CEP250: variants seen among roughly 807,000 people sequenced by gnomAD.
The protein encoded by CEP250 is centrosome-associated protein CEP250.
In CEP250, 242 loss-of-function variants were observed where a neutral mutation model predicts 315.7. That is an observed-to-expected ratio of 0.77 (90% CI 0.69 to 0.85). The LOEUF is 0.85. CEP250 is among the 40% of genes least tolerant of loss of function. CEP250 has a pLI of 0.00. For missense variants in CEP250, 2,515 were observed against 2,886.4 expected (o/e 0.87, Z 2.95); for synonymous variants, 1,088 against 1,175.0 (o/e 0.93, Z 1.51).
intron 3 of CEP250, among the ~76,000 whole-genome samples, chr20:35,461,650 T>C (rs2062759019): frequency 1.3e-5 from 2 of 152,248 alleles, no homozygotes; most frequent in Non-Finnish European, 2.9e-5. Flanking sequence ...CTGTGTGGCC[T>C]GGCACAAGTT....
At chr20:35,470,885 T>C in intron 10 of CEP250, among the ~76,000 whole-genome samples, 1 of 152,200 alleles carries the variant, frequency 6.6e-6, no homozygotes, top group East Asian at 1.9e-4. Flanking sequence ...GCCTGTCTTG[T>C]GAAGGAGTAA....
intron 16 of CEP250, among the ~76,000 whole-genome samples, chr20:35,477,654 T>C (rs923965210): frequency 2.0e-5 from 3 of 152,240 alleles, no homozygotes; most frequent in African/African-American, 7.2e-5. Context: ...AGCAGGACTT[T>C]GCCTTGCATA....
intron 14 of CEP250, 40 bp downstream of exon 14, chr20:35,474,092 T>C: frequency 6.9e-7 from 1 of 1,449,390 alleles, no homozygotes; most frequent in Non-Finnish European, 9.1e-7. Flanking sequence ...GCCCTGGTCT[T>C]TCTTCAATTC....
At chr20:35,456,736 C>A (rs2062636508) in intron 1 of CEP250, among the ~76,000 whole-genome samples, 1 of 151,388 alleles carries the variant, frequency 6.6e-6, no homozygotes, top group Non-Finnish European at 1.5e-5. Flanking sequence ...GATTGGGGTT[C>A]AGTCATTGCT....
Position 35,512,850 on chromosome 20 carries a change from A to G in CEP250, c.*1224A>G, listed in dbSNP as rs1378035949. On this transcript the variant is annotated 3_prime_UTR_variant, in exon 35 of 35. Transcript: ENST00000397527. The stretch of plus-strand genomic sequence containing the variant: ...GCTGGGATTACCGGTGTGAGCCACC[A>G]TGCCCAACCAGAACAGTTTTCCTTA... 1 of 152,224 alleles carries G rather than the reference A, an allele frequency of 6.6e-6. No homozygotes were observed. The highest frequency in any genetic ancestry group is 2.4e-5 in the African/African-American group (1 of 41,436). The allele number at this position is 152,224 out of a possible 1,614,324, so 9.4% of individuals were successfully genotyped here.
rs1486346483 is a variant in CEP250, at chr20:35,504,085, C to T, written c.5716C>T (p.Leu1906Phe). 1.9e-6 allele frequency: 3 copies of T among 1,608,600 alleles called. No individual in the cohort carries two copies. Among genetic ancestry groups the T allele is most frequent in the Admixed American group, 3.4e-5 (2 of 59,416 alleles). The change falls in exon 30 of 35, where the codon CTC (leucine) becomes TTC (phenylalanine). Residue 1906 changes from leucine to phenylalanine, a missense_variant. Leu to Phe is a conservative substitution (Grantham distance 22). Coordinates refer to ENST00000397527, the MANE Select transcript of CEP250 (RefSeq NM_007186.6). ...GGAACAGGAGAAAGCTCTGTTGGCC[C>T]TCCAGCAGCAGTGTGCTGAGCAGGC... ...SREQEKALLALQQQCAEQAQE... is the reference protein window; with the variant it reads ...SREQEKALLAFQQQCAEQAQE...
Position 35,467,558 on chromosome 20 carries a change from G to A in CEP250, c.851+3G>A, listed in dbSNP as rs780642412. ...GAGAAGGCTGAACTTCAGGACCGGT[G>A]AGATGGCCTGGGGTCCCAAGAAGGG... is the stretch of plus-strand genomic sequence containing the variant. On this transcript the variant is annotated splice_donor_region_variant and intron_variant, in intron 9 of 34. Coordinates refer to ENST00000397527, the MANE Select transcript of CEP250 (RefSeq NM_007186.6). The A allele has an allele frequency of 5.6e-6, 9 of 1,612,780 alleles. No individual in the cohort carries two copies. The highest frequency in any genetic ancestry group is 1.1e-5 in the South Asian group (1 of 91,012).
chr20:35,496,204 G>A (rs747916811), intron 24 of CEP250, among the ~76,000 whole-genome samples: 7 of 152,114 alleles, frequency 4.6e-5, no homozygotes, highest in Non-Finnish European at 8.8e-5. Flanking sequence ...AGGCATGGTG[G>A]CGCATGCCTG....
chr20:35,509,160 C>G (rs1243182191), intron 33 of CEP250, 116 bp downstream of exon 33: 1 of 781,584 alleles, frequency 1.3e-6, no homozygotes, highest in Non-Finnish European at 2.1e-6. Context: ...CAGAGAGCCC[C>G]TCCTGACTGC....
chr20:35,477,164 C>A (rs996135403), intron 16 of CEP250, among the ~76,000 whole-genome samples: 1 of 152,174 alleles, frequency 6.6e-6, no homozygotes, highest in Non-Finnish European at 1.5e-5. Flanking sequence ...GCATGCACCA[C>A]CATGCCTGGC....
intron 15 of CEP250, 27 bp from the exon 16 acceptor site, chr20:35,476,420 GAA>G (rs1568779190): frequency 6.3e-7 from 1 of 1,597,710 alleles, no homozygotes; most frequent in Non-Finnish European, 8.6e-7. Flanking sequence ...TTGGAAATAT[GAA>G]ACTCTTTAAT....
In CEP250 at chr20:35,504,888, C is replaced by A. The variant is rs1316362622; in HGVS notation, c.6519C>A (p.Ala2173=). The A allele has an allele frequency of 1.2e-6, 2 of 1,614,062 alleles. No individual in the cohort carries two copies. The highest frequency in any genetic ancestry group is 1.7e-6 in the Non-Finnish European group (2 of 1,180,038). ...EAREIEWREK[A]QDLALSLAQT... The stretch of plus-strand genomic sequence containing the variant: ...GGGAGATTGAGTGGAGGGAGAAGGC[C>A]CAGGACTTGGCACTCTCCCTAGCGC... Residue 2173 remains alanine, a synonymous_variant, in exon 30 of 35, where the codon GCC becomes GCA. Coordinates refer to ENST00000397527, the MANE Select transcript of CEP250 (RefSeq NM_007186.6).
rs147554271 is a variant in CEP250, at chr20:35,466,096, C to T, written c.384C>T (p.Asp128=). 1.1e-3 allele frequency: 1,805 copies of T among 1,614,040 alleles called. 4 individuals carry two copies. Among genetic ancestry groups the T allele is most frequent in the Middle Eastern group, 1.5e-3 (9 of 6,062 alleles). Reference sequence around the variant, plus strand: ...TTCGACTGCACATGGAAAAAGCTGACGTGGTGAATAAAGCCCTTAGGGAAG... The same window carrying T: ...TTCGACTGCACATGGAAAAAGCTGATGTGGTGAATAAAGCCCTTAGGGAAG... The part of the protein sequence containing the change: ...TQLRLHMEKA[D]VVNKALREDV... The change falls in exon 7 of 35, where the codon GAC becomes GAT. Residue 128 remains aspartate, a synonymous_variant. Transcript: ENST00000397527.
chr20:35,507,802 G>C lies in CEP250; in HGVS notation c.6701G>C (p.Ser2234Thr). ...CGGCTACACAGCCCAGGTGCAACCA[G>C]CACAGCAGAACTGGGGTCCAGAGGG... ...KERLHSPGAT[S>T]TAELGSRGEQ... The change falls in exon 31 of 35, where the codon AGC (serine) becomes ACC (threonine). Residue 2234 changes from serine to threonine, a missense_variant. Transcript: ENST00000397527. 1 of 1,574,720 alleles carries C rather than the reference G, an allele frequency of 6.4e-7. No homozygotes were observed. The highest frequency in any genetic ancestry group is 8.6e-7 in the Non-Finnish European group (1 of 1,160,120).
At chr20:35,499,353 T>C (rs2063936660) in intron 27 of CEP250, among the ~76,000 whole-genome samples, 1 of 152,192 alleles carries the variant, frequency 6.6e-6, no homozygotes, top group South Asian at 2.1e-4. Context: ...AATTAATTCT[T>C]GGTACCCAGG....
chr20:35,461,354 A>T (rs2078420), intron 3 of CEP250, among the ~76,000 whole-genome samples: 11 of 152,032 alleles, frequency 7.2e-5, no homozygotes, highest in Non-Finnish European at 1.3e-4. Flanking sequence ...ATCTGAGGTC[A>T]CAGAGCCCAT....
At chr20:35,470,508 G>A (rs2062998000) in intron 10 of CEP250, among the ~76,000 whole-genome samples, 1 of 152,198 alleles carries the variant, frequency 6.6e-6, no homozygotes, top group Non-Finnish European at 1.5e-5. Context: ...CCAGCACTAT[G>A]GGAAGCTGAG....
Position 35,473,983 on chromosome 20 carries a change from A to G in CEP250, c.1502A>G (p.Asp501Gly). The G allele has an allele frequency of 1.2e-6, 2 of 1,606,614 alleles. No individual in the cohort carries two copies. The highest frequency in any genetic ancestry group is 1.1e-5 in the South Asian group (1 of 90,122). The change falls in exon 14 of 35, where the codon GAC becomes GGC. Residue 501 changes from aspartate to glycine, a missense_variant. By Grantham distance (94) the Asp-to-Gly change is moderately conservative (BLOSUM62 -1). Transcript: ENST00000397527. Reference sequence around the variant, plus strand: ...AATGTGGAGCTTCAGCTGCAGGGGGACTCTGCCCAGGGCCAGAAGGAGGAA... The same window carrying G: ...AATGTGGAGCTTCAGCTGCAGGGGGGCTCTGCCCAGGGCCAGAAGGAGGAA... ...RVNVELQLQG[D>G]SAQGQKEEQQ...
rs1568829123 is a variant in CEP250 at position 35,501,962 on chromosome 20, C to A, written c.4016C>A (p.Ala1339Asp). 1 of 1,611,786 alleles carries A rather than the reference C, an allele frequency of 6.2e-7. No individual in the cohort carries two copies. Among genetic ancestry groups the A allele is most frequent in the Non-Finnish European group, 8.5e-7 (1 of 1,179,844 alleles). The change falls in exon 29 of 35, where the codon GCC becomes GAC. Residue 1339 changes from alanine to aspartate, a missense_variant. Ala to Asp is a moderately radical substitution (Grantham distance 126, BLOSUM62 -2). Coordinates refer to ENST00000397527, the MANE Select transcript of CEP250 (RefSeq NM_007186.6). ...AGAGCAGAGCTACAGCGAATGGAAGCCCAGGTAAAGTGGTACTGGTTTCAG... is the reference window on the plus strand; with the variant it reads ...AGAGCAGAGCTACAGCGAATGGAAGACCAGGTAAAGTGGTACTGGTTTCAG... ...LRRAELQRME[A>D]QGERELLQAA...
Sources: allele counts gnomAD v4.1 joint callset (sites outside exome capture counted in the v4.1 genomes callset), GRCh38; gene constraint gnomAD v4.1.1; transcripts MANE v1.5; gene names NCBI Gene and HGNC (gene_info 2026-07-23, HGNC 2026-07-21).